KIAA1328: variants seen among roughly 807,000 people sequenced by gnomAD.
KIAA1328 encodes the protein KIAA1328, also known as protein hinderin.
A neutral mutation model predicts 68.1 loss-of-function variants in KIAA1328; 52 were observed. That is an observed-to-expected ratio of 0.76 (90% CI 0.61 to 0.96). The LOEUF (loss-of-function observed/expected upper bound fraction) is 0.96. KIAA1328 is among the 40% of genes least tolerant of loss of function. KIAA1328 has a pLI of 0.00. For missense variants in KIAA1328, 641 were observed against 677.6 expected, an observed-to-expected ratio of 0.95 and a Z score of 0.60; for synonymous variants, 232 against 239.4, an observed-to-expected ratio of 0.97 and a Z score of 0.28.
At chr18:37,172,842 C>G in intron 8 of KIAA1328, 131 bp from the exon 9 acceptor site, 2 of 545,480 alleles carry the variant, frequency 3.7e-6, no homozygotes, top group Non-Finnish European at 6.3e-6. Flanking sequence ...GCCATTGTTA[C>G]ATTTCAGGGA....
chr18:36,953,250 G>A (rs1483573568), intron 5 of KIAA1328, among the ~76,000 whole-genome samples: 2 of 146,210 alleles, frequency 1.4e-5, no homozygotes, highest in Non-Finnish European at 3.0e-5. Context: ...ATAATATATA[G>A]TGTAATATTT....
intron 5 of KIAA1328, among the ~76,000 whole-genome samples, chr18:36,937,778 C>T (rs1435902374): frequency 6.6e-6 from 1 of 152,150 alleles, no homozygotes; most frequent in African/African-American, 2.4e-5. Context: ...CCCACTACCC[C>T]TTCACGGCCT....
At chr18:36,982,765 A>C (rs2052748458) in intron 6 of KIAA1328, among the ~76,000 whole-genome samples, 1 of 152,142 alleles carries the variant, frequency 6.6e-6, no homozygotes, top group Non-Finnish European at 1.5e-5. Context: ...TTTAAATGTA[A>C]ATGCCTCTTT....
chr18:37,149,153 C>A (rs1471941914), intron 7 of KIAA1328, among the ~76,000 whole-genome samples: 5 of 152,182 alleles, frequency 3.3e-5, no homozygotes, highest in African/African-American at 1.2e-4. Flanking sequence ...CTGGAGGTAT[C>A]ACGCTACTGT....
chr18:36,991,144 C>T (rs916072234), intron 6 of KIAA1328, among the ~76,000 whole-genome samples: 1 of 152,062 alleles, frequency 6.6e-6, no homozygotes, highest in Non-Finnish European at 1.5e-5. Context: ...ATATCCATAA[C>T]CCTTATGATT....
At chr18:37,036,643 T>A (rs1226273327) in intron 6 of KIAA1328, among the ~76,000 whole-genome samples, 2 of 152,200 alleles carry the variant, frequency 1.3e-5, no homozygotes, top group African/African-American at 4.8e-5. Flanking sequence ...CTCTTTTTAT[T>A]TGGGGTCATT....
intron 7 of KIAA1328, among the ~76,000 whole-genome samples, chr18:37,088,601 T>C (rs2057175235): frequency 6.6e-6 from 1 of 152,028 alleles, no homozygotes; most frequent in Non-Finnish European, 1.5e-5. Context: ...TATTCATGTT[T>C]ATCTGTATCT....
intron 5 of KIAA1328, chr18:36,925,122 GA>G (rs948090044): frequency 2.6e-5 from 4 of 152,178 alleles, no homozygotes; most frequent in African/African-American, 9.7e-5. Context: ...GGTAATATGA[GA>G]GAAAGTATTT....
At chr18:36,844,605 ATAT>A (rs2046967266) in intron 4 of KIAA1328, among the ~76,000 whole-genome samples, 1 of 152,018 alleles carries the variant, frequency 6.6e-6, no homozygotes, top group African/African-American at 2.4e-5. Context: ...AAGTAGGTTG[ATAT>A]TGTTGTAATC....
At position 36,829,209 on chromosome 18, in the gene KIAA1328, C is replaced by T; in HGVS notation, c.58+13C>T. The stretch of plus-strand genomic sequence containing the variant: ...TGGAGCCGGGACTGTATCCTTTGCC[C>T]GCCTGACAGGGGGCGCCGGCGCCCT... On this transcript the variant is annotated intron_variant, in intron 1 of 9. Coordinates refer to ENST00000280020, the MANE Select transcript of KIAA1328 (RefSeq NM_020776.3). 9 of 1,514,082 alleles carry T rather than the reference C, an allele frequency of 5.9e-6. No individual in the cohort carries two copies. In the South Asian group the frequency reaches 7.4e-5, roughly 12 times the overall value. 93.8% of individuals were successfully genotyped at this position (1,514,082 alleles called of 1,614,324 possible).
intron 7 of KIAA1328, among the ~76,000 whole-genome samples, chr18:37,149,941 G>C (rs1307570918): frequency 6.6e-6 from 1 of 152,122 alleles, no homozygotes; most frequent in Non-Finnish European, 1.5e-5. Context: ...ATCACTATAT[G>C]TTTTAATTAT....
At chr18:37,057,244 A>G (rs1338626379) in intron 6 of KIAA1328, among the ~76,000 whole-genome samples, 3 of 152,136 alleles carry the variant, frequency 2.0e-5, no homozygotes, top group Admixed American at 6.5e-5. Flanking sequence ...AATATTTAGT[A>G]TAATCATCAA....
intron 7 of KIAA1328, among the ~76,000 whole-genome samples, chr18:37,103,041 CAAAT>C (rs990429808): frequency 2.0e-5 from 3 of 152,074 alleles, no homozygotes; most frequent in African/African-American, 7.2e-5. Context: ...GAGAAGAACA[CAAAT>C]AAATGGGAAG....
chr18:37,023,294 A>C (rs2054419969), intron 6 of KIAA1328, among the ~76,000 whole-genome samples: 2 of 152,174 alleles, frequency 1.3e-5, no homozygotes, highest in African/African-American at 4.8e-5. Context: ...GACTCACTAC[A>C]GCCTTGAATT....
At chr18:37,155,368 G>C (rs1217854163) in intron 7 of KIAA1328, among the ~76,000 whole-genome samples, 1 of 152,132 alleles carries the variant, frequency 6.6e-6, no homozygotes, top group African/African-American at 2.4e-5. Context: ...AGCATCTCAA[G>C]CTGCAGTTAA....
At chr18:37,162,501 T>C (rs1355229590) in intron 8 of KIAA1328, among the ~76,000 whole-genome samples, 1 of 152,180 alleles carries the variant, frequency 6.6e-6, no homozygotes, top group Admixed American at 6.6e-5. Flanking sequence ...AGCTAGTGTA[T>C]GCAGATTATA....
At chr18:36,877,373 A>G (rs1478442665) in intron 4 of KIAA1328, among the ~76,000 whole-genome samples, 1 of 152,156 alleles carries the variant, frequency 6.6e-6, no homozygotes, top group East Asian at 1.9e-4. Context: ...GGGTGCATAT[A>G]TATTTAGGAT....
chr18:37,101,668 G>A (rs1334844617), intron 7 of KIAA1328, among the ~76,000 whole-genome samples: 1 of 152,124 alleles, frequency 6.6e-6, no homozygotes, highest in African/African-American at 2.4e-5. Flanking sequence ...TACAGAGAAT[G>A]CTACAAAGAT....
intron 7 of KIAA1328, among the ~76,000 whole-genome samples, chr18:37,091,578 G>T (rs1409635637): frequency 6.6e-6 from 1 of 152,046 alleles, no homozygotes; most frequent in African/African-American, 2.4e-5. Flanking sequence ...TTGATACTGG[G>T]TCCCATGTAC....
Sources: allele counts gnomAD v4.1 joint callset (sites outside exome capture counted in the v4.1 genomes callset), GRCh38; gene constraint gnomAD v4.1.1; transcripts MANE v1.5; gene names NCBI Gene and HGNC (gene_info 2026-07-23, HGNC 2026-07-21).